RCC2: variants seen among roughly 807,000 people sequenced by gnomAD.
RCC2 encodes protein RCC2.
RCC2 carries 19 observed loss-of-function variants against 64.1 expected under a neutral mutation model. That is an observed-to-expected ratio of 0.30 (90% CI 0.21 to 0.44). The LOEUF (loss-of-function observed/expected upper bound fraction) is 0.44, where lower values mean the gene tolerates loss of function less well. Ranked by LOEUF, RCC2 falls within the 20% of genes least tolerant of loss-of-function variation. RCC2 has a pLI of 1.00. For synonymous variants in RCC2, 325 were observed against 279.6 expected, an observed-to-expected ratio of 1.16 and a Z score of -1.62; for missense variants, 508 against 710.4, an observed-to-expected ratio of 0.72 and a Z score of 3.24.
Position 17,438,437 on chromosome 1 carries a change from C to T in RCC2, c.78G>A (p.Arg26=), listed in dbSNP as rs1297480601. 6 of 1,288,202 alleles carry T rather than the reference C, an allele frequency of 4.7e-6. No individual in the cohort carries two copies. Among genetic ancestry groups the T allele is most frequent in the Non-Finnish European group, 4.9e-6 (5 of 1,021,640 alleles). 79.8% of individuals were successfully genotyped at this position (1,288,202 alleles called of 1,614,324 possible). A position where few individuals can be genotyped will look rare whatever the true frequency, so the allele number is the denominator to read the frequency against. The change falls in exon 2 of 13, where the codon AGG becomes AGA. Residue 26 remains arginine (R), a synonymous_variant. Coordinates refer to ENST00000375436, the MANE Select transcript of RCC2 (RefSeq NM_018715.4). ...TCCTGCCCGCCGGGCCGCCGCGTTTCCTGGGCCCGGCGCGGGCAGTGCCGT... is the reference window on the plus strand; with the variant it reads ...TCCTGCCCGCCGGGCCGCCGCGTTTTCTGGGCCCGGCGCGGGCAGTGCCGT... ...SGNGTARAGP[R]KRGGPAGRKR...
intron 2 of RCC2, among the ~76,000 whole-genome samples, chr1:17,429,989 T>C (rs1017737712): frequency 9.9e-5 from 15 of 152,228 alleles, no homozygotes; most frequent in Non-Finnish European, 1.9e-4. Context: ...AAAAAGGCCA[T>C]TGTTCAATTC....
Position 17,413,093 on chromosome 1 carries a change from T to C in RCC2, c.1293A>G (p.Arg431=). 6.2e-7 allele frequency: 1 copy of C among 1,613,782 alleles called. No homozygotes were observed. The highest frequency in any genetic ancestry group is 8.5e-7 in the Non-Finnish European group (1 of 1,179,906). ...PKAVQDLCGW[R]IRSLACGKSS... is the part of the protein sequence containing the mutation. ...CCTACCCACAAGCCAGGCTCCGGATTCTCCAGCCGCAGAGGTCCTGCACTG... is the reference window on the plus strand; with the variant it reads ...CCTACCCACAAGCCAGGCTCCGGATCCTCCAGCCGCAGAGGTCCTGCACTG... Residue 431 remains arginine (R), a synonymous_variant, in exon 10 of 13, where the codon AGA becomes AGG. Coordinates refer to ENST00000375436, the MANE Select transcript of RCC2 (RefSeq NM_018715.4).
In RCC2 at chr1:17,408,912, GA is replaced by G. The variant is rs2075395080; in HGVS notation, c.*177del. 1.1e-5 allele frequency: 6 copies of G among 555,746 alleles called. No individual in the cohort carries two copies. The highest frequency in any genetic ancestry group is 3.0e-5 in the Admixed American group (1 of 32,892). The allele number at this position is 555,746 out of a possible 1,614,324, so 34.4% of individuals were successfully genotyped here. On this transcript the variant is annotated 3_prime_UTR_variant, in exon 13 of 13. Coordinates refer to ENST00000375436, the MANE Select transcript of RCC2 (RefSeq NM_018715.4). ...AAAAAAGGACTTTGGAAAGCATACA[GA>G]AAAAAAGGTAGTTAACGTTGGATCA...
chr1:17,412,066 C>G, intron 11 of RCC2, 56 bp downstream of exon 11: 2 of 1,508,718 alleles, frequency 1.3e-6, no homozygotes, highest in Non-Finnish European at 1.8e-6. Context: ...ACCCAAAGGC[C>G]ATGAGCCACC....
At position 17,438,391 on chromosome 1, in the gene RCC2, A is replaced by AGCT; in HGVS notation, c.123_124insAGC (p.Arg41_Cys42insSer). ...CTGCCGCCGCCGCTGCTGCTACTGC[A>AGCT]GCGCTCGGGCCGCTCGCGCTTCCTG... On this transcript the variant is annotated inframe_insertion, in exon 2 of 13. Coordinates refer to ENST00000375436, the MANE Select transcript of RCC2 (RefSeq NM_018715.4). 7.9e-7 allele frequency: 1 copy of AGCT among 1,259,080 alleles called. No homozygotes were observed. The highest frequency in any genetic ancestry group is 9.9e-7 in the Non-Finnish European group (1 of 1,006,726). The allele number at this position is 1,259,080 out of a possible 1,614,324, so 78.0% of individuals were successfully genotyped here.
intron 2 of RCC2, 69 bp downstream of exon 2, chr1:17,438,161 G>T (rs1467948869): frequency 1.9e-6 from 2 of 1,078,496 alleles, no homozygotes; most frequent in African/African-American, 1.7e-5. Flanking sequence ...TGGAACGCGC[G>T]CCGTGCCGCG....
chr1:17,438,326 G>C lies in RCC2; in HGVS notation c.189C>G (p.Pro63=), dbSNP rs1357148550. Residue 63 remains proline, a synonymous_variant, in exon 2 of 13, where the codon CCC becomes CCG. Transcript: ENST00000375436. ...DEDGLELDGA[P]GGGKRAARPA... is the part of the protein sequence containing the mutation. ...GCCGCGCCGCGCGCTTGCCCCCGCCGGGGGCCCCGTCGAGCTCCAGGCCGT... is the reference window on the plus strand; with the variant it reads ...GCCGCGCCGCGCGCTTGCCCCCGCCCGGGGCCCCGTCGAGCTCCAGGCCGT... The C allele has an allele frequency of 4.0e-6, 5 of 1,242,186 alleles. No individual in the cohort carries two copies. In the East Asian group the frequency reaches 1.1e-4, roughly 29 times the overall value. 76.9% of individuals were successfully genotyped at this position (1,242,186 alleles called of 1,614,324 possible).
chr1:17,414,748 C>T (rs1257088968), intron 8 of RCC2, among the ~76,000 whole-genome samples: 4 of 152,094 alleles, frequency 2.6e-5, no homozygotes, highest in African/African-American at 9.7e-5. Flanking sequence ...TCTCCTACCT[C>T]AGCCTCCCAA....
Position 17,408,884 on chromosome 1 carries a change from G to GA in RCC2, c.*205dup, listed in dbSNP as rs959200638. On this transcript the variant is annotated 3_prime_UTR_variant, in exon 13 of 13. Coordinates refer to ENST00000375436, the MANE Select transcript of RCC2 (RefSeq NM_018715.4). ...CAAGTATTTTAATTCAACATTAAGG[G>GA]AAAAAAAAGGACTTTGGAAAGCATA... The GA allele has an allele frequency of 4.2e-5, 22 of 521,174 alleles. No homozygotes were observed. The highest frequency in any genetic ancestry group is 6.3e-5 in the South Asian group (2 of 31,978). The allele number at this position is 521,174 out of a possible 1,614,324, so 32.3% of individuals were successfully genotyped here.
At chr1:17,431,322 A>G (rs2075672958) in intron 2 of RCC2, among the ~76,000 whole-genome samples, 1 of 116,630 alleles carries the variant, frequency 8.6e-6, no homozygotes, top group Non-Finnish European at 1.7e-5. Flanking sequence ...CGACTGAGCA[A>G]GACTCCATCT....
rs554696322 is a variant in RCC2, at chr1:17,424,956, G to C, written c.523+585C>G. Among the ~76,000 whole-genome samples, 9 of 152,248 alleles carry C rather than the reference G, an allele frequency of 5.9e-5. No individual in the cohort carries two copies. The South Asian group carries it at 1.7e-3, about 28-fold the overall frequency. On this transcript the variant is annotated intron_variant, in intron 4 of 12. Coordinates refer to ENST00000375436, the MANE Select transcript of RCC2 (RefSeq NM_018715.4). ...GTGCCCAGGTGAGGAAAAACAGAAG[G>C]GAAAGCCGAACAACTCCAAAAAAGC...
At chr1:17,414,153 A>T (rs1483040064) in intron 8 of RCC2, among the ~76,000 whole-genome samples, 1 of 152,172 alleles carries the variant, frequency 6.6e-6, no homozygotes, top group Non-Finnish European at 1.5e-5. Context: ...TATTTATTTA[A>T]GTTACAAGTC....
intron 7 of RCC2, 109 bp from the exon 8 acceptor site, chr1:17,416,755 T>G: frequency 8.6e-7 from 1 of 1,156,928 alleles, no homozygotes; most frequent in Non-Finnish European, 1.2e-6. Flanking sequence ...AATCTGGCCC[T>G]TCTGGGCCTT....
intron 2 of RCC2, among the ~76,000 whole-genome samples, chr1:17,429,542 G>A (rs908737055): frequency 5.9e-5 from 9 of 152,092 alleles, no homozygotes; most frequent in South Asian, 2.1e-4. Context: ...GAAGCCTGCC[G>A]GACACTCAGG....
In RCC2 at chr1:17,408,896, C is replaced by T; in HGVS notation, c.*194G>A. 1 of 525,886 alleles carries T rather than the reference C, an allele frequency of 1.9e-6. No individual in the cohort carries two copies. The highest frequency in any genetic ancestry group is 2.9e-5 in the East Asian group (1 of 34,670). 32.6% of individuals were successfully genotyped at this position (525,886 alleles called of 1,614,324 possible). On this transcript the variant is annotated 3_prime_UTR_variant, in exon 13 of 13. Transcript: ENST00000375436. ...TTCAACATTAAGGGAAAAAAAAGGA[C>T]TTTGGAAAGCATACAGAAAAAAAGG...
At chr1:17,417,106 G>T (rs1181634610) in intron 7 of RCC2, among the ~76,000 whole-genome samples, 1 of 152,192 alleles carries the variant, frequency 6.6e-6, no homozygotes, top group Admixed American at 6.5e-5. Context: ...AGAATAGACA[G>T]AAAAGCTCCA....
At position 17,420,838 on chromosome 1, in the gene RCC2, CAAGA is replaced by C. The variant is rs1557626312; in HGVS notation, c.745-14_745-11del. 1.9e-6 allele frequency: 3 copies of C among 1,559,750 alleles called. No individual in the cohort carries two copies. In the African/African-American group the frequency reaches 4.1e-5, roughly 21 times the overall value. Reference sequence around the variant, plus strand: ...GGCCGTTGTACATTATCTGAAAAGACAAGAAAGGAGACTTTCATTTTTTTTAAAG... The same window carrying C: ...GGCCGTTGTACATTATCTGAAAAGACAAGGAGACTTTCATTTTTTTTAAAG... On this transcript the variant is annotated splice_polypyrimidine_tract_variant and intron_variant, in intron 6 of 12. Coordinates refer to ENST00000375436, the MANE Select transcript of RCC2 (RefSeq NM_018715.4).
rs1570166096 is a variant in RCC2, at chr1:17,407,571, C to A, written c.*1519G>T. 1 of 152,550 alleles carries A rather than the reference C, an allele frequency of 6.6e-6. No individual in the cohort carries two copies. Among genetic ancestry groups the A allele is most frequent in the East Asian group, 1.9e-4 (1 of 5,186 alleles). The allele number at this position is 152,550 out of a possible 1,614,324, so 9.4% of individuals were successfully genotyped here. A position where few individuals can be genotyped will look rare whatever the true frequency, so the allele number is the denominator to read the frequency against. ...CCACAGGGCCTTGGGACTGGCAGGACAGACACTGCTACATGCCCTCCAAGG... is the reference window on the plus strand; with the variant it reads ...CCACAGGGCCTTGGGACTGGCAGGAAAGACACTGCTACATGCCCTCCAAGG... On this transcript the variant is annotated 3_prime_UTR_variant, in exon 13 of 13. Transcript: ENST00000375436.
chr1:17,429,010 CATTTGTA>C (rs2075647163), intron 3 of RCC2, 89 bp downstream of exon 3: 1 of 958,728 alleles, frequency 1.0e-6, no homozygotes, highest in East Asian at 2.4e-5. Context: ...TGTGAAAATG[CATTTGTA>C]AATGAAGGGA....
Sources: allele counts gnomAD v4.1 joint callset (sites outside exome capture counted in the v4.1 genomes callset), GRCh38; gene constraint gnomAD v4.1.1; transcripts MANE v1.5; gene names NCBI Gene and HGNC (gene_info 2026-07-23, HGNC 2026-07-21).